The following TBC1D30 variants were observed in gnomAD, a reference collection of about 807,000 sequenced individuals.
TBC1D30 encodes TBC1 domain family, member 30.
TBC1D30 carries 31 observed loss-of-function variants against 63.2 expected under a neutral mutation model. That is an observed-to-expected ratio of 0.49 (90% CI 0.37 to 0.66). The LOEUF is 0.66. TBC1D30 is among the 30% of genes least tolerant of loss of function. TBC1D30 has a pLI of 0.00. For synonymous variants in TBC1D30, 307 were observed against 361.5 expected, an observed-to-expected ratio of 0.85 and a Z score of 1.71; for missense variants, 810 against 953.6, an observed-to-expected ratio of 0.85 and a Z score of 1.98.
At chr12:64,763,644 C>G (rs1486364612) in intron 1 of TBC1D30, among the ~76,000 whole-genome samples, 1 of 144,970 alleles carries the variant, frequency 6.9e-6, no homozygotes, top group Admixed American at 6.9e-5. Flanking sequence ...GAGTCTTGCT[C>G]TGTCACCAGG....
chr12:64,874,783 G>A (rs1878914524), intron 11 of TBC1D30, among the ~76,000 whole-genome samples: 1 of 151,924 alleles, frequency 6.6e-6, no homozygotes, highest in Admixed American at 6.6e-5. Flanking sequence ...ATCACCCTGT[G>A]GTCCCTTCCT....
rs1262251555 is a variant in TBC1D30, at chr12:64,878,546, G to A, written c.*2758G>A. 2.2e-6 allele frequency: 1 copy of A among 456,662 alleles called. No individual in the cohort carries two copies. The highest frequency in any genetic ancestry group is 2.3e-5 in the Admixed American group (1 of 42,576). The allele number at this position is 456,662 out of a possible 1,614,324, so 28.3% of individuals were successfully genotyped here. A position where few individuals can be genotyped will look rare whatever the true frequency, so the allele number is the denominator to read the frequency against. On this transcript the variant is annotated 3_prime_UTR_variant, in exon 12 of 12. Transcript: ENST00000539867. Reference sequence around the variant, plus strand: ...CAGCCTGTGGACTGCAGCTGTTTGGGACATTGTATTCCTTTGTTTGTCTCT... The same window carrying A: ...CAGCCTGTGGACTGCAGCTGTTTGGAACATTGTATTCCTTTGTTTGTCTCT...
At chr12:64,782,359 T>C (rs1166299705) in intron 1 of TBC1D30, among the ~76,000 whole-genome samples, 1 of 151,784 alleles carries the variant, frequency 6.6e-6, no homozygotes, top group Non-Finnish European at 1.5e-5. Context: ...GTAAACAGCT[T>C]TTAGCTTCCT....
intron 11 of TBC1D30, among the ~76,000 whole-genome samples, chr12:64,873,834 G>A (rs1046792896): frequency 6.6e-6 from 1 of 152,126 alleles, no homozygotes; most frequent in Non-Finnish European, 1.5e-5. Context: ...AACATTTTTA[G>A]TTGATACTGG....
At chr12:64,800,032 G>A (rs570723842) in intron 2 of TBC1D30, among the ~76,000 whole-genome samples, 26 of 152,330 alleles carry the variant, frequency 1.7e-4, no homozygotes, top group Middle Eastern at 3.4e-3. Context: ...CTTGAACCCT[G>A]GAGGCGGAGG....
chr12:64,826,518 C>T (rs1874364072), intron 1 of TBC1D30, among the ~76,000 whole-genome samples: 2 of 152,142 alleles, frequency 1.3e-5, no homozygotes, highest in South Asian at 2.1e-4. Context: ...ACCTCGCGTC[C>T]GGACAGCAAC....
In TBC1D30 at chr12:64,870,610, G is replaced by A. The variant is rs868105614; in HGVS notation, c.1300G>A (p.Glu434Lys). 1 of 1,536,116 alleles carries A rather than the reference G, an allele frequency of 6.5e-7. No individual in the cohort carries two copies. ...KYQKQIKEPN[E>K]EQSLRSNNIA... is the part of the protein sequence containing the mutation. Reference sequence around the variant, plus strand: ...TCATCCTTCGAGCGCAGAGCCAAATGAGGAGCAGAGTCTGAGATCTAATAA... The same window carrying A: ...TCATCCTTCGAGCGCAGAGCCAAATAAGGAGCAGAGTCTGAGATCTAATAA... Residue 434 changes from glutamate to lysine, a missense_variant, in exon 11 of 12, where the codon GAG (glutamate) becomes AAG (lysine). Around this residue, in one of 4 missense-constraint regions of TBC1D30, gnomAD observed 450 missense variants for 473.0 expected, o/e 0.95. Transcript: ENST00000539867.
chr12:64,832,111 C>T lies in TBC1D30; in HGVS notation c.409-8C>T. The T allele has an allele frequency of 6.6e-7, 1 of 1,511,468 alleles. No homozygotes were observed. The highest frequency in any genetic ancestry group is 1.4e-5 in the African/African-American group (1 of 72,500). 93.6% of individuals were successfully genotyped at this position (1,511,468 alleles called of 1,614,324 possible). On this transcript the variant is annotated splice_polypyrimidine_tract_variant and splice_region_variant and intron_variant, in intron 4 of 11. Coordinates refer to ENST00000539867, the MANE Select transcript of TBC1D30 (RefSeq NM_015279.2). The stretch of plus-strand genomic sequence containing the variant: ...TATTTTTGAAAATATTGTTTCCCTT[C>T]CATTTAGGACCTTCACCGCACAGGC...
intron 8 of TBC1D30, among the ~76,000 whole-genome samples, chr12:64,856,660 A>C (rs1006274973): frequency 6.6e-6 from 1 of 152,160 alleles, no homozygotes; most frequent in African/African-American, 2.4e-5. Flanking sequence ...GCCTTGCCCA[A>C]GGCCCTTCCC....
At position 64,875,387 on chromosome 12, in the gene TBC1D30, A is replaced by T. The variant is rs547238550; in HGVS notation, c.1885A>T (p.Thr629Ser). 7.2e-6 allele frequency: 11 copies of T among 1,536,196 alleles called. No individual in the cohort carries two copies. In the South Asian group the frequency reaches 1.1e-4, roughly 15 times the overall value. Residue 629 changes from threonine (T) to serine (S), a missense_variant, in exon 12 of 12, where the codon ACC becomes TCC. This residue lies in a region of TBC1D30 where 450 missense variants were observed against 473.0 expected (regional missense o/e 0.95). Coordinates refer to ENST00000539867, the MANE Select transcript of TBC1D30 (RefSeq NM_015279.2). ...AGAAGGCAGCAGCCCTGAAGGCAGTACCAGGAGGACGATCGAGGGGCAGTC... is the reference window on the plus strand; with the variant it reads ...AGAAGGCAGCAGCCCTGAAGGCAGTTCCAGGAGGACGATCGAGGGGCAGTC... ...GREGSSPEGSTRRTIEGQSPE... is the reference protein window; with the variant it reads ...GREGSSPEGSSRRTIEGQSPE...
chr12:64,779,157 T>C (rs981484434), upstream of TBC1D30: 5 of 152,178 alleles, frequency 3.3e-5, no homozygotes, highest in African/African-American at 9.7e-5. Context: ...ATCACATCTC[T>C]TCTTAGGGGG....
At chr12:64,793,365 G>A (rs1294589900) in intron 2 of TBC1D30, among the ~76,000 whole-genome samples, 1 of 151,642 alleles carries the variant, frequency 6.6e-6, no homozygotes, top group Non-Finnish European at 1.5e-5. Context: ...ATAAAAATAG[G>A]CAGGGCGCAA....
intron 2 of TBC1D30, chr12:64,787,330 T>G (rs1224413320): frequency 2.0e-6 from 2 of 980,058 alleles, no homozygotes; most frequent in Non-Finnish European, 2.4e-6. Context: ...ATTTAACTAT[T>G]TTTGTTTTGC....
intron 3 of TBC1D30, 83 bp downstream of exon 3, chr12:64,828,592 C>G: frequency 1.1e-6 from 1 of 907,782 alleles, no homozygotes; most frequent in Non-Finnish European, 1.7e-6. Context: ...AAAATATATT[C>G]TAGGTTTAGT....
intron 2 of TBC1D30, among the ~76,000 whole-genome samples, chr12:64,794,866 C>G (rs1199168637): frequency 6.6e-6 from 1 of 152,068 alleles, no homozygotes; most frequent in Non-Finnish European, 1.5e-5. Flanking sequence ...TTGAATGTTT[C>G]TTTTATATGG....
rs919994776 is a variant in TBC1D30, at chr12:64,866,766, G to C, written c.1154G>C (p.Arg385Pro). Residue 385 changes from arginine to proline, a missense_variant and splice_region_variant, in exon 10 of 12, where the codon CGA becomes CCA. Coordinates refer to ENST00000539867, the MANE Select transcript of TBC1D30 (RefSeq NM_015279.2). The stretch of plus-strand genomic sequence containing the variant: ...TTTTGTCTTTTATGTTTTCCAAGAC[G>C]ACATAGTAAGGCCAGAGACAGTGAT... ...ATVKPTSVSG[R>P]HSKARDSDEE... 10 of 1,534,450 alleles carry C rather than the reference G, an allele frequency of 6.5e-6. No homozygotes were observed. The highest frequency in any genetic ancestry group is 8.7e-6 in the Non-Finnish European group (10 of 1,146,400).
At chr12:64,851,563 A>G (rs1008223088) in intron 8 of TBC1D30, among the ~76,000 whole-genome samples, 1 of 152,074 alleles carries the variant, frequency 6.6e-6, no homozygotes, top group African/African-American at 2.4e-5. Context: ...GAATTAGATC[A>G]TTATGATGCT....
chr12:64,859,610 C>G (rs1312870192), intron 8 of TBC1D30, among the ~76,000 whole-genome samples: 1 of 152,058 alleles, frequency 6.6e-6, no homozygotes, highest in Admixed American at 6.6e-5. Flanking sequence ...AAAAGGGATA[C>G]AGGAGTGAAA....
At position 64,866,761 on chromosome 12, in the gene TBC1D30, A is replaced by T; in HGVS notation, c.1152-3A>T. Reference sequence around the variant, plus strand: ...TTCTTTTTTGTCTTTTATGTTTTCCAAGACGACATAGTAAGGCCAGAGACA... The same window carrying T: ...TTCTTTTTTGTCTTTTATGTTTTCCTAGACGACATAGTAAGGCCAGAGACA... On this transcript the variant is annotated splice_polypyrimidine_tract_variant and splice_region_variant and intron_variant, in intron 9 of 11. Transcript: ENST00000539867. 1.3e-6 allele frequency: 2 copies of T among 1,533,870 alleles called. No individual in the cohort carries two copies. Among genetic ancestry groups the T allele is most frequent in the Non-Finnish European group, 1.7e-6 (2 of 1,146,250 alleles).
Sources: allele counts gnomAD v4.1 joint callset (sites outside exome capture counted in the v4.1 genomes callset), GRCh38; gene constraint gnomAD v4.1.1; regional missense constraint gnomAD v4.1.1; transcripts MANE v1.5; gene names NCBI Gene and HGNC (gene_info 2026-07-23, HGNC 2026-07-21).